The following KCTD8 variants were observed in gnomAD, a reference collection of about 807,000 sequenced individuals.
KCTD8 encodes the protein BTB/POZ domain-containing protein KCTD8.
KCTD8 carries 27 observed loss-of-function variants against 31.5 expected under a neutral mutation model. That is an observed-to-expected ratio of 0.86 (90% CI 0.63 to 1.18). The LOEUF (loss-of-function observed/expected upper bound fraction) is 1.18. Ranked by LOEUF, KCTD8 falls within the 50% of genes most tolerant of loss-of-function variation. KCTD8 has a pLI of 0.00. For missense variants in KCTD8, 658 were observed against 647.7 expected, an observed-to-expected ratio of 1.02 and a Z score of -0.17; for synonymous variants, 290 against 280.0, an observed-to-expected ratio of 1.04 and a Z score of -0.36.
chr4:44,177,028 A>C (rs907841564), intron 1 of KCTD8, among the ~76,000 whole-genome samples: 15 of 152,180 alleles, frequency 9.9e-5, no homozygotes, highest in Non-Finnish European at 1.8e-4. Flanking sequence ...ATTTGCAACC[A>C]AATATTTAAA....
At chr4:44,208,908 T>C (rs1370598924) in intron 1 of KCTD8, among the ~76,000 whole-genome samples, 1 of 152,204 alleles carries the variant, frequency 6.6e-6, no homozygotes, top group Non-Finnish European at 1.5e-5. Context: ...TTAAGGTTCA[T>C]CTTTTGTCCA....
intron 1 of KCTD8, among the ~76,000 whole-genome samples, chr4:44,251,379 C>A (rs564319471): frequency 6.6e-6 from 1 of 151,422 alleles, no homozygotes; most frequent in Non-Finnish European, 1.5e-5. Flanking sequence ...CTGGTAGATT[C>A]GAAATAATTT....
intron 1 of KCTD8, among the ~76,000 whole-genome samples, chr4:44,316,071 T>G (rs1718100495): frequency 6.6e-6 from 1 of 152,066 alleles, no homozygotes; most frequent in Admixed American, 6.6e-5. Context: ...TTTTTCCCAT[T>G]TTTTTATTAC....
At chr4:44,339,665 T>G (rs1321828118) in intron 1 of KCTD8, among the ~76,000 whole-genome samples, 1 of 152,114 alleles carries the variant, frequency 6.6e-6, no homozygotes, top group Non-Finnish European at 1.5e-5. Flanking sequence ...ATATAGAAGA[T>G]TTTATAACTT....
chr4:44,262,681 T>C (rs764504099), intron 1 of KCTD8, among the ~76,000 whole-genome samples: 11 of 152,118 alleles, frequency 7.2e-5, no homozygotes, highest in Non-Finnish European at 1.3e-4. Context: ...AAATAACTGT[T>C]ATAGTTCTAG....
At chr4:44,175,750 C>A (rs1308367620) in intron 1 of KCTD8, among the ~76,000 whole-genome samples, 2 of 152,172 alleles carry the variant, frequency 1.3e-5, no homozygotes, top group African/African-American at 2.4e-5. Context: ...AGGCCCAGAG[C>A]TGCAATCACA....
intron 1 of KCTD8, among the ~76,000 whole-genome samples, chr4:44,235,578 T>TAGAGAG (rs371875444): frequency 1.1e-4 from 7 of 64,100 alleles, no homozygotes; most frequent in African/African-American, 3.6e-4. Flanking sequence ...TATATATATT[T>TAGAGAG]AGAGAGAGAG....
At chr4:44,334,032 T>G (rs532123789) in intron 1 of KCTD8, among the ~76,000 whole-genome samples, 1 of 152,158 alleles carries the variant, frequency 6.6e-6, no homozygotes, top group Admixed American at 6.5e-5. Flanking sequence ...TTATAGCTAA[T>G]TTAAAAGATA....
chr4:44,257,754 A>G (rs1716030748), intron 1 of KCTD8, among the ~76,000 whole-genome samples: 1 of 152,034 alleles, frequency 6.6e-6, no homozygotes, highest in Non-Finnish European at 1.5e-5. Context: ...CAAGGCAGCC[A>G]TAGTTCAACT....
chr4:44,323,080 G>A (rs1718340764), intron 1 of KCTD8, among the ~76,000 whole-genome samples: 1 of 151,968 alleles, frequency 6.6e-6, no homozygotes, highest in South Asian at 2.1e-4. Flanking sequence ...GTCTTTTGTT[G>A]TTGCATACAA....
intron 1 of KCTD8, among the ~76,000 whole-genome samples, chr4:44,311,795 A>C (rs1717959726): frequency 6.6e-6 from 1 of 151,440 alleles, no homozygotes; most frequent in Non-Finnish European, 1.5e-5. Flanking sequence ...GGATCGAAAA[A>C]GCAGATTACT....
intron 1 of KCTD8, among the ~76,000 whole-genome samples, chr4:44,279,864 T>TTTC (rs1452811559): frequency 6.6e-6 from 1 of 152,130 alleles, no homozygotes; most frequent in African/African-American, 2.4e-5. Context: ...TCTTTAAAGA[T>TTTC]TAGATAGATT....
rs376814260 is a variant in KCTD8, at chr4:44,297,037, A to G, written c.962-121787T>C. On this transcript the variant is annotated intron_variant, in intron 1 of 1. Transcript: ENST00000360029. ...AGCATATTTAATGCTATAGAAGCAG[A>G]GTACTTTCACATCTGTTCTTCACAT... Among the ~76,000 whole-genome samples, 21 of 152,268 alleles carry G rather than the reference A, an allele frequency of 1.4e-4. No homozygotes were observed. In the East Asian group the frequency reaches 3.5e-3, roughly 25 times the overall value.
intron 1 of KCTD8, among the ~76,000 whole-genome samples, chr4:44,378,172 T>C (rs1719964224): frequency 6.7e-6 from 1 of 148,962 alleles, no homozygotes. Flanking sequence ...CCCATACTTT[T>C]CCCTACGGAC....
intron 1 of KCTD8, among the ~76,000 whole-genome samples, chr4:44,181,519 ATTGCAGACGGAG>A (rs1242330123): frequency 6.6e-6 from 1 of 152,138 alleles, no homozygotes; most frequent in East Asian, 1.9e-4. Flanking sequence ...AGGCGCCGGG[ATTGCAGACGGAG>A]TCTCCTTCAC....
chr4:44,355,748 G>A (rs1157608863), intron 1 of KCTD8, among the ~76,000 whole-genome samples: 1 of 151,962 alleles, frequency 6.6e-6, no homozygotes, highest in East Asian at 1.9e-4. Context: ...CTATATTGAG[G>A]GCATGGGCAT....
intron 1 of KCTD8, among the ~76,000 whole-genome samples, chr4:44,411,117 T>A (rs1720943344): frequency 6.6e-6 from 1 of 152,096 alleles, no homozygotes; most frequent in African/African-American, 2.4e-5. Flanking sequence ...TTGATGACAC[T>A]CCATTTTTCT....
chr4:44,242,809 T>C (rs1161565525), intron 1 of KCTD8, among the ~76,000 whole-genome samples: 2 of 151,954 alleles, frequency 1.3e-5, no homozygotes, highest in Non-Finnish European at 2.9e-5. Flanking sequence ...TCTTTAAAAG[T>C]GGGTGGCATC....
chr4:44,396,676 T>C (rs1435080737), intron 1 of KCTD8, among the ~76,000 whole-genome samples: 1 of 152,068 alleles, frequency 6.6e-6, no homozygotes, highest in African/African-American at 2.4e-5. Flanking sequence ...CCCTAACCTA[T>C]TAGGGAAATA....
Sources: allele counts gnomAD v4.1 joint callset (sites outside exome capture counted in the v4.1 genomes callset), GRCh38; gene constraint gnomAD v4.1.1; transcripts MANE v1.5; gene names NCBI Gene and HGNC (gene_info 2026-07-23, HGNC 2026-07-21).